The following TGM3 variants were observed in gnomAD, a reference collection of about 807,000 sequenced individuals.
TGM3 encodes the protein transglutaminase 3, also known as protein-glutamine gamma-glutamyltransferase E.
In TGM3, 52 loss-of-function variants were observed where a neutral mutation model predicts 73.8. The observed-to-expected ratio is 0.70, with a 90% CI of 0.56 to 0.89. The LOEUF (loss-of-function observed/expected upper bound fraction) is 0.89, where lower values mean the gene tolerates loss of function less well. Among genes scored for constraint, TGM3 ranks in the 40% least tolerant of loss-of-function variants. The pLI is 0.00. For synonymous variants in TGM3, 372 were observed against 354.9 expected (o/e 1.05, Z -0.54); for missense variants, 928 against 909.9 (o/e 1.02, Z -0.26).
chr20:2,303,509 CT>C (rs1024547661), intron 1 of TGM3, among the ~76,000 whole-genome samples: 1 of 151,898 alleles, frequency 6.6e-6, no homozygotes, highest in Non-Finnish European at 1.5e-5. Context: ...CTAAATGCCC[CT>C]GAATTGTACA....
At chr20:2,326,786 A>C (rs2084290267) in intron 8 of TGM3, among the ~76,000 whole-genome samples, 1 of 152,076 alleles carries the variant, frequency 6.6e-6, no homozygotes, top group African/African-American at 2.4e-5. Context: ...AACGGAGGTA[A>C]AGCCGTGAGC....
Position 2,317,125 on chromosome 20 carries a change from G to C in TGM3, c.727G>C (p.Gly243Arg). Residue 243 changes from glycine (G) to arginine (R), a missense_variant, in exon 6 of 13, where the codon GGT (glycine) becomes CGT (arginine). Gly to Arg is a moderately radical substitution (Grantham distance 125). Coordinates refer to ENST00000381458, the MANE Select transcript of TGM3 (RefSeq NM_003245.4). ...TGGGAATTGGAGCGGCACTTACACC[G>C]GTGGCCGGGACCCAAGGAGCTGGAA... Reference protein sequence around the residue: ...LAGNWSGTYTGGRDPRSWNGS... With the variant: ...LAGNWSGTYTRGRDPRSWNGS... 9 of 1,613,962 alleles carry C rather than the reference G, an allele frequency of 5.6e-6. No homozygotes were observed. The highest frequency in any genetic ancestry group is 5.9e-6 in the Non-Finnish European group (7 of 1,180,002).
At chr20:2,303,711 G>A (rs944584583) in intron 1 of TGM3, among the ~76,000 whole-genome samples, 6 of 152,084 alleles carry the variant, frequency 3.9e-5, no homozygotes, top group Non-Finnish European at 8.8e-5. Flanking sequence ...TCATTACCAG[G>A]AAAGAAGGAA....
intron 4 of TGM3, among the ~76,000 whole-genome samples, chr20:2,312,559 C>T (rs990963316): frequency 1.3e-5 from 2 of 152,258 alleles, no homozygotes; most frequent in Admixed American, 1.3e-4. Flanking sequence ...ACCAAGCCAC[C>T]TCCCATGCAT....
Position 2,317,360 on chromosome 20 carries a change from T to C in TGM3, c.858T>C (p.Ser286=). 1 of 1,614,202 alleles carries C rather than the reference T, an allele frequency of 6.2e-7. No individual in the cohort carries two copies. Among genetic ancestry groups the C allele is most frequent in the East Asian group, 2.2e-5 (1 of 44,874 alleles). Residue 286 remains serine, a synonymous_variant, in exon 7 of 13, where the codon TCT becomes TCC. Transcript: ENST00000381458. ...CACCCTGACTTGCAGCGCTGCGGTC[T>C]TTGGGGATTCCTTCCCGGGTGATCA... ...FAGTLNTALR[S]LGIPSRVITN...
chr20:2,325,809 G>T (rs1326013215), intron 7 of TGM3, 40 bp from the exon 8 acceptor site: 1 of 1,408,520 alleles, frequency 7.1e-7, no homozygotes, highest in Non-Finnish European at 9.8e-7. Context: ...TCTGCTGTGT[G>T]GTCTTGGGCA....
At position 2,340,914 on chromosome 20, in the gene TGM3, C is replaced by T. The variant is rs568520189; in HGVS notation, c.*333C>T. 21 of 494,346 alleles carry T rather than the reference C, an allele frequency of 4.2e-5. No individual in the cohort carries two copies. The highest frequency in any genetic ancestry group is 4.2e-4 in the East Asian group (7 of 16,794). 30.6% of individuals were successfully genotyped at this position (494,346 alleles called of 1,614,324 possible). On this transcript the variant is annotated 3_prime_UTR_variant, in exon 13 of 13. Transcript: ENST00000381458. ...GCCCCTGACCCAGGGACTCTCCAAA[C>T]GGGATACAGGAGAGAAGCTGGTCTA... is the stretch of plus-strand genomic sequence containing the variant.
intron 5 of TGM3, among the ~76,000 whole-genome samples, chr20:2,315,607 G>A (rs1005137911): frequency 4.6e-5 from 7 of 152,220 alleles, no homozygotes; most frequent in Admixed American, 6.5e-5. Context: ...GAAGGGGTAG[G>A]ACACACAGGC....
At chr20:2,311,846 G>A (rs1443133100) in intron 4 of TGM3, among the ~76,000 whole-genome samples, 1 of 151,984 alleles carries the variant, frequency 6.6e-6, no homozygotes, top group Non-Finnish European at 1.5e-5. Flanking sequence ...GCATGGTTAG[G>A]GAGGGCCTCA....
rs1353745793 is a variant in TGM3 at position 2,311,083 on chromosome 20, T to C, written c.494T>C (p.Val165Ala). The C allele has an allele frequency of 6.2e-7, 1 of 1,614,036 alleles. No homozygotes were observed. The highest frequency in any genetic ancestry group is 8.5e-7 in the Non-Finnish European group (1 of 1,179,990). The change falls in exon 4 of 13, where the codon GTG (valine) becomes GCG (alanine). Residue 165 changes from valine to alanine, a missense_variant. Transcript: ENST00000381458. Reference sequence around the variant, plus strand: ...CAGGAAGATGCCGGCATCATCTTTGTGGGAAGCACAAACCGAATTGGCATG... The same window carrying C: ...CAGGAAGATGCCGGCATCATCTTTGCGGGAAGCACAAACCGAATTGGCATG... ...YVQEDAGIIF[V>A]GSTNRIGMIG... is the part of the protein sequence containing the mutation.
chr20:2,318,707 T>C (rs1168939917), intron 7 of TGM3, among the ~76,000 whole-genome samples: 1 of 152,236 alleles, frequency 6.6e-6, no homozygotes, highest in Non-Finnish European at 1.5e-5. Flanking sequence ...GTATGACAGA[T>C]GTAATCTTAT....
chr20:2,301,757 G>C (rs2084149608), intron 1 of TGM3, among the ~76,000 whole-genome samples: 1 of 151,900 alleles, frequency 6.6e-6, no homozygotes, highest in Non-Finnish European at 1.5e-5. Flanking sequence ...CAGGAGTGCA[G>C]TGGTGAGATC....
intron 1 of TGM3, among the ~76,000 whole-genome samples, chr20:2,304,325 G>A (rs911665346): frequency 7.2e-5 from 11 of 152,164 alleles, no homozygotes; most frequent in Non-Finnish European, 1.3e-4. Flanking sequence ...CCAGTGAAGG[G>A]TTCAGAACCA....
chr20:2,324,887 T>C (rs1480118676), intron 7 of TGM3, among the ~76,000 whole-genome samples: 2 of 152,236 alleles, frequency 1.3e-5, no homozygotes, highest in African/African-American at 4.8e-5. Flanking sequence ...TTTTCATTTT[T>C]TTCCCCACAG....
intron 7 of TGM3, 91 bp downstream of exon 7, chr20:2,317,576 G>T: frequency 1.3e-6 from 2 of 1,547,924 alleles, no homozygotes; most frequent in Non-Finnish European, 1.8e-6. Context: ...GTCCAAACAG[G>T]TGTTGCAAGG....
intron 11 of TGM3, among the ~76,000 whole-genome samples, chr20:2,336,715 GCC>G (rs901907305): frequency 1.3e-5 from 2 of 151,834 alleles, no homozygotes; most frequent in Non-Finnish European, 2.9e-5. Flanking sequence ...TGACTGGGCA[GCC>G]AGTCTGGGGG....
chr20:2,335,486 G>A (rs1263819387), intron 11 of TGM3, among the ~76,000 whole-genome samples: 1 of 152,224 alleles, frequency 6.6e-6, no homozygotes, highest in Non-Finnish European at 1.5e-5. Context: ...CTCCCTGTCT[G>A]GTGAGATAAA....
In TGM3 at chr20:2,334,971, A is replaced by T. The variant is rs1446489033; in HGVS notation, c.1643-145A>T. 7.1e-6 allele frequency: 7 copies of T among 988,918 alleles called. No homozygotes were observed. The highest frequency in any genetic ancestry group is 9.0e-6 in the Non-Finnish European group (6 of 665,510). 61.3% of individuals were successfully genotyped at this position (988,918 alleles called of 1,614,324 possible). On this transcript the variant is annotated intron_variant, in intron 10 of 12. Transcript: ENST00000381458. The surrounding 1 kb of genome is among the most constrained non-coding windows in gnomAD (Gnocchi z 4.0). ...CTGACCGGGGGACGCTTCCCACAGGACCTGGCCCAAGGAGGGCTCAGTCAA... is the reference window on the plus strand; with the variant it reads ...CTGACCGGGGGACGCTTCCCACAGGTCCTGGCCCAAGGAGGGCTCAGTCAA...
chr20:2,328,395 C>A lies in TGM3; in HGVS notation c.1333+30C>A, dbSNP rs373163898. On this transcript the variant is annotated intron_variant, in intron 9 of 12. Transcript: ENST00000381458. This position sits in a 1 kb window ranked among gnomAD's most constrained non-coding sequence, Gnocchi z 5.2. The stretch of plus-strand genomic sequence containing the variant: ...GAGGGACGCTGGCGGGGCAGTGCCG[C>A]GAGAGGTTCTATTGTGGGAGGATGG... 3 of 1,612,280 alleles carry A rather than the reference C, an allele frequency of 1.9e-6. No homozygotes were observed. Among genetic ancestry groups the A allele is most frequent in the Non-Finnish European group, 2.5e-6 (3 of 1,179,094 alleles).
Sources: gnomAD v4.1 joint callset for allele counts (sites outside exome capture counted in the v4.1 genomes callset) on GRCh38, gnomAD v4.1.1 for gene constraint, Gnocchi (gnomAD v3.1) non-coding constraint, MANE v1.5 for transcripts, NCBI Gene and HGNC (gene_info 2026-07-23, HGNC 2026-07-21) for gene names.